CHCHD3: variants seen among roughly 807,000 people sequenced by gnomAD.
CHCHD3 encodes coiled-coil-helix-coiled-coil-helix domain containing 3.
A neutral mutation model predicts 38.2 loss-of-function variants in CHCHD3; 20 were observed. The ratio of observed to expected loss-of-function variants is 0.52; its 90% CI spans 0.37 to 0.76. The LOEUF (loss-of-function observed/expected upper bound fraction) is 0.76, where lower values mean the gene tolerates loss of function less well. Ranked by LOEUF, CHCHD3 falls within the 30% of genes least tolerant of loss-of-function variation. The pLI, the probability that CHCHD3 is intolerant of heterozygous loss-of-function variation, is 0.00. For synonymous variants in CHCHD3, 82 were observed against 100.0 expected, an observed-to-expected ratio of 0.82 and a Z score of 1.07; for missense variants, 245 against 279.2, an observed-to-expected ratio of 0.88 and a Z score of 0.87.
At chr7:133,052,193 T>C (rs1814188790) in intron 2 of CHCHD3, 1 of 152,204 alleles carries the variant, frequency 6.6e-6, no homozygotes, top group Non-Finnish European at 1.5e-5. Context: ...ATTGTATCAA[T>C]TGCCTCTGTG....
At chr7:132,967,667 A>AAAAAAAAT (rs1430668692) in intron 4 of CHCHD3, among the ~76,000 whole-genome samples, 2 of 141,156 alleles carry the variant, frequency 1.4e-5, no homozygotes, top group African/African-American at 5.4e-5. Context: ...ATAAATAAAT[A>AAAAAAAAT]AAATAAAACA....
At chr7:132,930,901 C>T (rs1335111602) in intron 4 of CHCHD3, among the ~76,000 whole-genome samples, 1 of 152,166 alleles carries the variant, frequency 6.6e-6, no homozygotes, top group African/African-American at 2.4e-5. Flanking sequence ...CCTCATTCAC[C>T]CCTATGGCCC....
chr7:132,793,242 G>A (rs769683608), intron 7 of CHCHD3, among the ~76,000 whole-genome samples: 8 of 152,134 alleles, frequency 5.3e-5, no homozygotes, highest in Non-Finnish European at 1.2e-4. Flanking sequence ...AGATAGAATG[G>A]GAACCAGGTA....
intron 4 of CHCHD3, among the ~76,000 whole-genome samples, chr7:132,936,269 G>T (rs897321140): frequency 6.6e-6 from 1 of 152,148 alleles, no homozygotes; most frequent in African/African-American, 2.4e-5. Flanking sequence ...CAATGATAAA[G>T]TACTAAAGAA....
At chr7:132,880,317 T>C (rs1248668572) in intron 5 of CHCHD3, among the ~76,000 whole-genome samples, 1 of 152,182 alleles carries the variant, frequency 6.6e-6, no homozygotes, top group African/African-American at 2.4e-5. Context: ...ACAGGGTTGT[T>C]GGTAAGTATA....
chr7:132,836,176 T>A (rs1423060833), intron 6 of CHCHD3, among the ~76,000 whole-genome samples: 2 of 152,100 alleles, frequency 1.3e-5, no homozygotes, highest in East Asian at 3.9e-4. Context: ...TGCAATGGCA[T>A]GATCTCAGCT....
intron 5 of CHCHD3, among the ~76,000 whole-genome samples, chr7:132,881,190 A>C (rs181290278): frequency 6.6e-6 from 1 of 152,286 alleles, no homozygotes; most frequent in African/African-American, 2.4e-5. Context: ...AATTACACTT[A>C]TTACTCCTAA....
In CHCHD3 at chr7:132,833,027, G is replaced by C. The variant is rs138755007; in HGVS notation, c.524+5372C>G. Among the ~76,000 whole-genome samples the C allele has an allele frequency of 7.9e-5, 12 of 152,254 alleles. No homozygotes were observed. The East Asian group carries it at 2.3e-3, about 29-fold the overall frequency. The stretch of plus-strand genomic sequence containing the variant: ...GATAGCACATAGTTTCATAACTTTT[G>C]ATAATCAAATGCAGTATTTATTACT... On this transcript the variant is annotated intron_variant, in intron 6 of 7. Transcript: ENST00000262570.
intron 3 of CHCHD3, among the ~76,000 whole-genome samples, chr7:132,984,035 G>A (rs1256226919): frequency 1.5e-5 from 2 of 137,786 alleles, no homozygotes; most frequent in African/African-American, 2.6e-5. Context: ...CTCTCCCCAC[G>A]GTCTCCCTCT....
intron 6 of CHCHD3, among the ~76,000 whole-genome samples, chr7:132,811,905 G>C (rs761900313): frequency 6.6e-6 from 1 of 152,120 alleles, no homozygotes; most frequent in Non-Finnish European, 1.5e-5. Flanking sequence ...AATACCATCT[G>C]TGTGTTGGTC....
chr7:132,821,163 T>TA lies in CHCHD3; in HGVS notation c.524+17235dup, dbSNP rs1400432393. ...ATTAGATCATATGATGAGCATCAAT[T>TA]AAAAAAACACAAAATTCACCCAACA... On this transcript the variant is annotated intron_variant, in intron 6 of 7. Coordinates refer to ENST00000262570, the MANE Select transcript of CHCHD3 (RefSeq NM_017812.4). 3.9e-5 allele frequency among the ~76,000 whole-genome samples: 6 copies of TA among 152,224 alleles called. No homozygotes were observed. The East Asian group carries it at 1.2e-3, about 29-fold the overall frequency.
intron 5 of CHCHD3, among the ~76,000 whole-genome samples, chr7:132,882,808 T>C (rs1809101027): frequency 6.6e-6 from 1 of 152,100 alleles, no homozygotes. Flanking sequence ...AGGTGCCAAG[T>C]ATATCACCTC....
chr7:132,972,818 T>A (rs1811645721), intron 4 of CHCHD3: 4 of 985,320 alleles, frequency 4.1e-6, no homozygotes, highest in Non-Finnish European at 4.8e-6. Flanking sequence ...CAATTTGTCA[T>A]CTATACCACA....
At chr7:132,941,719 T>C (rs1229691879) in intron 4 of CHCHD3, among the ~76,000 whole-genome samples, 1 of 152,102 alleles carries the variant, frequency 6.6e-6, no homozygotes, top group Non-Finnish European at 1.5e-5. Flanking sequence ...AGTGATCTGA[T>C]GGGGCAGGAG....
At chr7:132,838,027 C>T (rs1161916864) in intron 6 of CHCHD3, among the ~76,000 whole-genome samples, 1 of 152,102 alleles carries the variant, frequency 6.6e-6, no homozygotes, top group African/African-American at 2.4e-5. Flanking sequence ...TTGGACATGC[C>T]CATCATTTTA....
chr7:133,053,037 T>G (rs958811541), intron 2 of CHCHD3, among the ~76,000 whole-genome samples: 1 of 152,212 alleles, frequency 6.6e-6, no homozygotes, highest in African/African-American at 2.4e-5. Flanking sequence ...ACTAGTGGCT[T>G]TGGCACACAG....
At chr7:132,791,461 T>C (rs2117021601) in intron 7 of CHCHD3, among the ~76,000 whole-genome samples, 1 of 152,332 alleles carries the variant, frequency 6.6e-6, no homozygotes, top group East Asian at 1.9e-4. Flanking sequence ...CCTATAAGTC[T>C]ATTAAATCAT....
At chr7:132,879,014 A>AT (rs1211824050) in intron 5 of CHCHD3, among the ~76,000 whole-genome samples, 2 of 152,208 alleles carry the variant, frequency 1.3e-5, no homozygotes, top group Non-Finnish European at 2.9e-5. Context: ...AGATCCTGAC[A>AT]TGGGAAAGAA....
intron 3 of CHCHD3, among the ~76,000 whole-genome samples, chr7:132,991,725 T>C (rs1363085355): frequency 6.6e-6 from 1 of 152,214 alleles, no homozygotes; most frequent in Admixed American, 6.5e-5. Context: ...GTTCAGTACT[T>C]TGAAACTCAT....
Sources: allele counts gnomAD v4.1 joint callset (sites outside exome capture counted in the v4.1 genomes callset), GRCh38; gene constraint gnomAD v4.1.1; transcripts MANE v1.5; gene names NCBI Gene and HGNC (gene_info 2026-07-23, HGNC 2026-07-21).